Variants in KMT5B observed in about 807,000 individuals in gnomAD.
KMT5B encodes lysine methyltransferase 5B.
A neutral mutation model predicts 83.2 loss-of-function variants in KMT5B; 10 were observed. The ratio of observed to expected loss-of-function variants is 0.12; its 90% CI spans 0.07 to 0.20. The LOEUF is 0.20. KMT5B is among the 10% of genes least tolerant of loss of function. The pLI is 1.00. For missense variants in KMT5B, 753 were observed against 1,067.2 expected (o/e 0.71, Z 4.10); for synonymous variants, 349 against 388.8 (o/e 0.90, Z 1.20).
rs1280199047 is a variant in KMT5B, at chr11:68,157,697, A to G, written c.2649T>C (p.Leu883=). 6.4e-7 allele frequency: 1 copy of G among 1,561,906 alleles called. No individual in the cohort carries two copies. Among genetic ancestry groups the G allele is most frequent in the East Asian group, 2.3e-5 (1 of 44,308 alleles). ...SRRREDQSLR[L]NA ...AGTTAAGACCAAGAGCTTAGGCATT[A>G]AGCCTTAAAGACTGATCTTCTCTTC... Residue 883 remains leucine, a synonymous_variant, in exon 11 of 11, where the codon CTT becomes CTC. Coordinates refer to ENST00000304363, the MANE Select transcript of KMT5B (RefSeq NM_017635.5).
In KMT5B at chr11:68,189,908, T is replaced by C. The variant is rs199929195; in HGVS notation, c.160+9A>G. ...AATCAGAACATTGAAGGTTTAAGTG[T>C]GTACATACATCTGTTCGACCTCCTC... On this transcript the variant is annotated intron_variant, in intron 2 of 10. Coordinates refer to ENST00000304363, the MANE Select transcript of KMT5B (RefSeq NM_017635.5). 6.8e-4 allele frequency: 1,095 copies of C among 1,612,406 alleles called. No homozygotes were observed. Among genetic ancestry groups the C allele is most frequent in the Non-Finnish European group, 8.7e-4 (1,031 of 1,179,366 alleles).
At chr11:68,192,779 T>G (rs1858242947) in intron 1 of KMT5B, among the ~76,000 whole-genome samples, 1 of 152,230 alleles carries the variant, frequency 6.6e-6, no homozygotes, top group Non-Finnish European at 1.5e-5. Context: ...TTTGTTGTTG[T>G]TAGTTTCAAT....
intron 1 of KMT5B, among the ~76,000 whole-genome samples, chr11:68,203,239 G>A (rs1246378313): frequency 6.6e-6 from 1 of 152,098 alleles, no homozygotes; most frequent in Non-Finnish European, 1.5e-5. Flanking sequence ...CTCCCAAAGT[G>A]CTGGGATTAC....
rs896171215 is a variant in KMT5B, at chr11:68,159,262, G to A, written c.1175-91C>T. 42 of 1,474,836 alleles carry A rather than the reference G, an allele frequency of 2.8e-5. No individual in the cohort carries two copies. In the Admixed American group the frequency reaches 4.0e-4, roughly 14 times the overall value. The allele number at this position is 1,474,836 out of a possible 1,614,324, so 91.4% of individuals were successfully genotyped here. On this transcript the variant is annotated intron_variant, in intron 10 of 10. Transcript: ENST00000304363. ...AAACCCAGGCTATTAGCTACAGCAC[G>A]TTTAGATTACACAAACGCCAACACC...
At chr11:68,159,764 T>C (rs1383028367) in intron 10 of KMT5B, among the ~76,000 whole-genome samples, 1 of 152,200 alleles carries the variant, frequency 6.6e-6, no homozygotes. Context: ...GAAAAAGAAA[T>C]GCACTATTCT....
chr11:68,180,247 T>TA (rs1555032467), intron 3 of KMT5B, 47 bp from the exon 4 acceptor site: 1 of 1,530,132 alleles, frequency 6.5e-7, no homozygotes, highest in Non-Finnish European at 8.9e-7. Flanking sequence ...GCTATTTGTA[T>TA]AATCTGTACT....
In KMT5B at chr11:68,157,604, A is replaced by T; in HGVS notation, c.*84T>A. 1 of 1,482,178 alleles carries T rather than the reference A, an allele frequency of 6.7e-7. No homozygotes were observed. Among genetic ancestry groups the T allele is most frequent in the African/African-American group, 1.4e-5 (1 of 71,424 alleles). 91.8% of individuals were successfully genotyped at this position (1,482,178 alleles called of 1,614,324 possible). On this transcript the variant is annotated 3_prime_UTR_variant, in exon 11 of 11. Coordinates refer to ENST00000304363, the MANE Select transcript of KMT5B (RefSeq NM_017635.5). Reference sequence around the variant, plus strand: ...GTGAAGGGACAATAGAAGTGCTGCCACTAAACTTTCAGTTGAGGAATAATT... The same window carrying T: ...GTGAAGGGACAATAGAAGTGCTGCCTCTAAACTTTCAGTTGAGGAATAATT...
chr11:68,211,250 C>CACCT lies in KMT5B; in HGVS notation c.-77+1884_-77+1887dup, dbSNP rs1315932538. On this transcript the variant is annotated intron_variant, in intron 1 of 10. Transcript: ENST00000304363. ...CTGTCAGAGTCCGCTACCCTCCATCCACCTCCACCTTCCCCACTACTGTCC... is the reference window on the plus strand; with the variant it reads ...CTGTCAGAGTCCGCTACCCTCCATCCACCTACCTCCACCTTCCCCACTACTGTCC... Among the ~76,000 whole-genome samples, 15 of 152,188 alleles carry CACCT rather than the reference C, an allele frequency of 9.9e-5. No homozygotes were observed. The South Asian group carries it at 1.2e-3, about 13-fold the overall frequency.
intron 9 of KMT5B, 71 bp from the exon 10 acceptor site, chr11:68,167,249 T>C (rs1855396510): frequency 3.3e-6 from 5 of 1,518,390 alleles, no homozygotes; most frequent in Non-Finnish European, 4.4e-6. Flanking sequence ...CTGCTGAGGG[T>C]ACTTGGCTAC....
In KMT5B at chr11:68,171,226, GCTTAC is replaced by G. The variant is rs2153052061; in HGVS notation, c.840+1_840+5del. The stretch of plus-strand genomic sequence containing the variant: ...AATACTTGAAGAAAATTTTTTTAAT[GCTTAC>G]CTTACAATTAGGTCTGCAATCTGAA... On this transcript the variant is annotated splice_donor_variant and splice_donor_5th_base_variant and intron_variant, in intron 8 of 10. Coordinates refer to ENST00000304363, the MANE Select transcript of KMT5B (RefSeq NM_017635.5). LOFTEE classifies it high-confidence loss of function. This position sits in a 1 kb window ranked among gnomAD's most constrained non-coding sequence, Gnocchi z 5.1. 1 of 1,605,482 alleles carries G rather than the reference GCTTAC, an allele frequency of 6.2e-7. No homozygotes were observed. Among genetic ancestry groups the G allele is most frequent in the Non-Finnish European group, 8.5e-7 (1 of 1,178,168 alleles).
At chr11:68,208,155 A>G (rs1285761469) in intron 1 of KMT5B, among the ~76,000 whole-genome samples, 1 of 148,516 alleles carries the variant, frequency 6.7e-6, no homozygotes, top group Non-Finnish European at 1.5e-5. Flanking sequence ...ATTTTTAAAC[A>G]CACTTCGCCC....
At chr11:68,211,884 A>G (rs1437831129) in intron 1 of KMT5B, among the ~76,000 whole-genome samples, 1 of 152,240 alleles carries the variant, frequency 6.6e-6, no homozygotes, top group Non-Finnish European at 1.5e-5. Context: ...AGCCGGGATT[A>G]GAGCGTTTGT....
intron 10 of KMT5B, among the ~76,000 whole-genome samples, chr11:68,165,508 A>G (rs1018136954): frequency 1.5e-5 from 2 of 137,906 alleles, no homozygotes; most frequent in African/African-American, 5.4e-5. Flanking sequence ...GTCTCAAAAG[A>G]AAAAAAAAAA....
rs1859248838 is a variant in KMT5B at position 68,155,804 on chromosome 11, A to C, written c.*1884T>G. 6.6e-6 allele frequency: 1 copy of C among 152,288 alleles called. No homozygotes were observed. The highest frequency in any genetic ancestry group is 6.5e-5 in the Admixed American group (1 of 15,276). 9.4% of individuals were successfully genotyped at this position (152,288 alleles called of 1,614,324 possible). ...TTCACTGTTGAAGACCTCCAGACGC[A>C]GTGAACGGGGGTATGGGTGGGTGTG... On this transcript the variant is annotated 3_prime_UTR_variant, in exon 11 of 11. Coordinates refer to ENST00000304363, the MANE Select transcript of KMT5B (RefSeq NM_017635.5).
chr11:68,202,939 C>A (rs1859639321), intron 1 of KMT5B, among the ~76,000 whole-genome samples: 2 of 152,070 alleles, frequency 1.3e-5, no homozygotes, highest in Admixed American at 6.6e-5. Flanking sequence ...TGACGATATA[C>A]CCAGAAGTAG....
At position 68,155,728 on chromosome 11, in the gene KMT5B, C is replaced by T. The variant is rs1189017735; in HGVS notation, c.*1960G>A. ...AGGGCTGGACGTGCTCTGCAAAGTG[C>T]TCCGGGTGCCTCGGACAGGTGCTCC... On this transcript the variant is annotated 3_prime_UTR_variant, in exon 11 of 11. Coordinates refer to ENST00000304363, the MANE Select transcript of KMT5B (RefSeq NM_017635.5). 6.6e-6 allele frequency: 1 copy of T among 152,206 alleles called. No homozygotes were observed. The highest frequency in any genetic ancestry group is 1.5e-5 in the Non-Finnish European group (1 of 68,124). 9.4% of individuals were successfully genotyped at this position (152,206 alleles called of 1,614,324 possible). A position where few individuals can be genotyped will look rare whatever the true frequency, so the allele number is the denominator to read the frequency against.
At chr11:68,193,895 G>C (rs1858389193) in intron 1 of KMT5B, among the ~76,000 whole-genome samples, 1 of 151,290 alleles carries the variant, frequency 6.6e-6, no homozygotes, top group African/African-American at 2.4e-5. Context: ...CAAAGTCCTA[G>C]GCTCAAGCAA....
intron 10 of KMT5B, among the ~76,000 whole-genome samples, chr11:68,165,468 C>T (rs1279486286): frequency 2.0e-5 from 3 of 152,022 alleles, no homozygotes; most frequent in Admixed American, 6.5e-5. Context: ...TGTGCCACTG[C>T]ACTCCAGCCT....
At chr11:68,174,125 T>C (rs1297370552) in intron 5 of KMT5B, 1 of 616,078 alleles carries the variant, frequency 1.6e-6, no homozygotes, top group Admixed American at 2.1e-5. Context: ...AGAGGAAGAA[T>C]CACTTGAGCC....
Sources: gnomAD v4.1 joint callset for allele counts (sites outside exome capture counted in the v4.1 genomes callset) on GRCh38, gnomAD v4.1.1 for gene constraint, Gnocchi (gnomAD v3.1) non-coding constraint, MANE v1.5 for transcripts, NCBI Gene and HGNC (gene_info 2026-07-23, HGNC 2026-07-21) for gene names.